CHST9: variants seen among roughly 807,000 people sequenced by gnomAD.
CHST9 encodes carbohydrate sulfotransferase 9.
A neutral mutation model predicts 44.4 loss-of-function variants in CHST9; 41 were observed. That is an observed-to-expected ratio of 0.92 (90% CI 0.72 to 1.20). CHST9 has a LOEUF of 1.20. CHST9 is among the 50% of genes most tolerant of loss of function. The probability of loss-of-function intolerance (pLI) is 0.00; values close to 1 mark genes in which losing one functional copy is unlikely to be tolerated. For missense variants in CHST9, 504 were observed against 516.5 expected (o/e 0.98, Z 0.23); for synonymous variants, 171 against 178.4 (o/e 0.96, Z 0.33).
intron 4 of CHST9, among the ~76,000 whole-genome samples, chr18:26,975,709 A>ATATG (rs1486333121): frequency 1.8e-4 from 10 of 56,958 alleles, no homozygotes; most frequent in African/African-American, 7.2e-4. Flanking sequence ...ATGTGTATAT[A>ATATG]TGTGTGTGTG....
chr18:26,975,701 G>GCAAAATTCA lies in CHST9; in HGVS notation c.203-31336_203-31335insTGAATTTTG, dbSNP rs1568117278. On this transcript the variant is annotated intron_variant, in intron 4 of 5. Transcript: ENST00000618847. ...TGTATATATGTGTGTGTATATATAT[G>GCAAAATTCA]TGTATATATGTGTGTGTGTGTGTGT... Among the ~76,000 whole-genome samples, 43 of 87,026 alleles carry GCAAAATTCA rather than the reference G, an allele frequency of 4.9e-4. 1 individual carries two copies. The highest frequency in any genetic ancestry group is 4.0e-3 in the Admixed American group (27 of 6,750). The allele number at this position is 87,026 out of a possible 152,430, so 57.1% of individuals were successfully genotyped here.
chr18:26,918,936 A>G (rs565796134), intron 5 of CHST9, among the ~76,000 whole-genome samples: 22 of 152,232 alleles, frequency 1.4e-4, no homozygotes, highest in Non-Finnish European at 2.8e-4. Context: ...AAAGATGTTT[A>G]ATGAACTCAC....
At chr18:27,019,550 C>A (rs750368473) in intron 4 of CHST9, among the ~76,000 whole-genome samples, 1 of 151,980 alleles carries the variant, frequency 6.6e-6, no homozygotes, top group Non-Finnish European at 1.5e-5. Context: ...GTAAAGGAGT[C>A]AGAGTCAGAA....
intron 4 of CHST9, among the ~76,000 whole-genome samples, chr18:26,958,040 C>T (rs2145145077): frequency 6.6e-6 from 1 of 151,670 alleles, no homozygotes; most frequent in East Asian, 1.9e-4. Context: ...GCATGCACCA[C>T]CACACCTGGC....
Position 27,071,054 on chromosome 18 carries a change from C to A in CHST9, c.122-22551G>T, listed in dbSNP as rs1254977627. Among the ~76,000 whole-genome samples the A allele has an allele frequency of 2.0e-5, 3 of 152,174 alleles. 1 individual carries two copies. The South Asian group carries it at 6.2e-4, about 32-fold the overall frequency. On this transcript the variant is annotated intron_variant, in intron 2 of 5. Coordinates refer to ENST00000618847, the MANE Select transcript of CHST9 (RefSeq NM_031422.6). The stretch of plus-strand genomic sequence containing the variant: ...CCTCCCTGTGGCCAGCCTCTGCCAA[C>A]TGGCGCTAGTTTCTGGGCTCTGAGA...
intron 2 of CHST9, among the ~76,000 whole-genome samples, chr18:27,114,822 C>G (rs148915411): frequency 6.6e-6 from 1 of 152,208 alleles, no homozygotes; most frequent in Non-Finnish European, 1.5e-5. Context: ...TAGAATACCA[C>G]ATTCCACATT....
intron 3 of CHST9, among the ~76,000 whole-genome samples, chr18:27,043,432 C>G (rs979525218): frequency 1.3e-5 from 2 of 151,938 alleles, no homozygotes; most frequent in Non-Finnish European, 2.9e-5. Flanking sequence ...ATTTTCTCCA[C>G]CAAACTTGTC....
intron 1 of CHST9, among the ~76,000 whole-genome samples, chr18:27,149,047 G>A (rs186597150): frequency 1.5e-5 from 2 of 130,914 alleles, no homozygotes; most frequent in African/African-American, 5.5e-5. Context: ...TTGGCTGCAT[G>A]AATGTCTTCC....
chr18:27,146,038 CTT>C (rs1196416613), intron 1 of CHST9, among the ~76,000 whole-genome samples: 1 of 152,156 alleles, frequency 6.6e-6, no homozygotes, highest in African/African-American at 2.4e-5. Context: ...ATAATTAAAA[CTT>C]ATCTCAGAAG....
At chr18:26,938,743 C>T (rs911377143) in intron 5 of CHST9, among the ~76,000 whole-genome samples, 2 of 152,192 alleles carry the variant, frequency 1.3e-5, no homozygotes, top group Admixed American at 6.5e-5. Flanking sequence ...AAAAGAAGAT[C>T]TGGATCTCCC....
rs533336383 is a variant in CHST9, at chr18:27,130,064, T to C, written c.121+12625A>G. On this transcript the variant is annotated intron_variant, in intron 2 of 5. Transcript: ENST00000618847. Reference sequence around the variant, plus strand: ...AAAACAATTAGCAGGAATTCTGTTTTAGTTCCAGTTTTGTTACCTACTGGC... The same window carrying C: ...AAAACAATTAGCAGGAATTCTGTTTCAGTTCCAGTTTTGTTACCTACTGGC... 5.3e-5 allele frequency among the ~76,000 whole-genome samples: 8 copies of C among 152,340 alleles called. No individual in the cohort carries two copies. In the East Asian group the frequency reaches 5.8e-4, roughly 11 times the overall value.
At chr18:27,157,626 C>G (rs1006277210) in intron 1 of CHST9, among the ~76,000 whole-genome samples, 4 of 152,060 alleles carry the variant, frequency 2.6e-5, no homozygotes, top group African/African-American at 9.7e-5. Context: ...ATAGGAAGCG[C>G]TTAAGGCATT....
At chr18:26,929,740 T>A (rs1322833788) in intron 5 of CHST9, among the ~76,000 whole-genome samples, 1 of 151,836 alleles carries the variant, frequency 6.6e-6, no homozygotes, top group Non-Finnish European at 1.5e-5. Context: ...AGTGGCCAGT[T>A]ATTACGGGGT....
chr18:27,053,238 A>G (rs565018298), intron 2 of CHST9, among the ~76,000 whole-genome samples: 1 of 85,096 alleles, frequency 1.2e-5, no homozygotes, highest in Non-Finnish European at 2.6e-5. Flanking sequence ...GAAGAAGAAG[A>G]AGAAGAAGAA....
At chr18:26,951,325 AC>A (rs201622147) in intron 4 of CHST9, among the ~76,000 whole-genome samples, 3,102 of 152,276 alleles carry the variant, frequency 0.02, 54 homozygotes, top group Non-Finnish European at 0.034. Flanking sequence ...TTGATTAATC[AC>A]CCCGAACTGA....
At position 26,996,948 on chromosome 18, in the gene CHST9, A is replaced by G. The variant is rs566022321; in HGVS notation, c.202+27168T>C. Among the ~76,000 whole-genome samples, 32 of 152,356 alleles carry G rather than the reference A, an allele frequency of 2.1e-4. No homozygotes were observed. The South Asian group carries it at 6.2e-3, about 30-fold the overall frequency. On this transcript the variant is annotated intron_variant, in intron 4 of 5. Coordinates refer to ENST00000618847, the MANE Select transcript of CHST9 (RefSeq NM_031422.6). ...CAATAATCCTTTGTATTTTAAACACATGTCCCACAACTATCAGAAAAATAT... is the reference window on the plus strand; with the variant it reads ...CAATAATCCTTTGTATTTTAAACACGTGTCCCACAACTATCAGAAAAATAT...
intron 4 of CHST9, among the ~76,000 whole-genome samples, chr18:27,007,822 T>C (rs1043998507): frequency 1.3e-5 from 2 of 151,294 alleles, no homozygotes; most frequent in Non-Finnish European, 2.9e-5. Context: ...ATGGAGAAAA[T>C]AGGGTCTGGG....
intron 2 of CHST9, among the ~76,000 whole-genome samples, chr18:27,054,475 CTTA>C (rs2057628550): frequency 2.0e-5 from 3 of 152,170 alleles, no homozygotes; most frequent in Admixed American, 2.0e-4. Context: ...AAACTTTTTC[CTTA>C]TATGAGAAAA....
chr18:27,109,102 T>G (rs2058247278), intron 2 of CHST9, among the ~76,000 whole-genome samples: 2 of 152,134 alleles, frequency 1.3e-5, no homozygotes, highest in Non-Finnish European at 2.9e-5. Context: ...GTAACCAAAA[T>G]TAGATGCCTG....
Sources: gnomAD v4.1 joint callset for allele counts (sites outside exome capture counted in the v4.1 genomes callset) on GRCh38, gnomAD v4.1.1 for gene constraint, MANE v1.5 for transcripts, NCBI Gene and HGNC (gene_info 2026-07-23, HGNC 2026-07-21) for gene names.